Variants in AFF3 observed in about 807,000 individuals in gnomAD.
AFF3 encodes AF4/FMR2 family member 3.
AFF3 carries 32 observed loss-of-function variants against 129.7 expected under a neutral mutation model. The ratio of observed to expected loss-of-function variants is 0.25; its 90% CI spans 0.19 to 0.33. The LOEUF (loss-of-function observed/expected upper bound fraction) is 0.33. AFF3 is among the 10% of genes least tolerant of loss of function. The pLI is 1.00. For missense variants in AFF3, 1,373 were observed against 1,592.0 expected (o/e 0.86, Z 2.34); for synonymous variants, 644 against 635.4 (o/e 1.01, Z -0.20).
At chr2:100,106,928 G>A (rs954033828) in intron 2 of AFF3, 8 of 985,430 alleles carry the variant, frequency 8.1e-6, no homozygotes, top group Non-Finnish European at 9.6e-6. Context: ...ACTCATGAAA[G>A]GCCTCTCCCA....
chr2:99,710,042 G>C (rs573499390), intron 11 of AFF3, among the ~76,000 whole-genome samples: 14 of 152,116 alleles, frequency 9.2e-5, no homozygotes, highest in Non-Finnish European at 1.5e-4. Flanking sequence ...TGCCTACCTG[G>C]GTGAGCTCTC....
Position 99,966,461 on chromosome 2 carries a change from C to T in AFF3, c.873+40171G>A, listed in dbSNP as rs376084304. On this transcript the variant is annotated intron_variant, in intron 7 of 24. Coordinates refer to ENST00000672756, the MANE Select transcript of AFF3 (RefSeq NM_001386135.1). ...ATCCCAACACTTTGGGAGGCCGAGG[C>T]GGGCGGATCACGAGGTCAGGAGATC... Among the ~76,000 whole-genome samples, 22 of 151,772 alleles carry T rather than the reference C, an allele frequency of 1.4e-4. 1 individual carries two copies. Among genetic ancestry groups the T allele is most frequent in the Non-Finnish European group, 1.5e-4 (10 of 67,920 alleles).
chr2:99,674,151 C>T lies in AFF3; in HGVS notation c.1092-1562G>A, dbSNP rs146762887. On this transcript the variant is annotated intron_variant, in intron 11 of 24. Coordinates refer to ENST00000672756, the MANE Select transcript of AFF3 (RefSeq NM_001386135.1). ...CTCATCTCCCAGTGCCGAGAGGTGT[C>T]GTTCTTCTATTATTTAAACCACAAG... Among the ~76,000 whole-genome samples, 451 of 152,262 alleles carry T rather than the reference C, an allele frequency of 3.0e-3. 1 individual carries two copies. Among genetic ancestry groups the T allele is most frequent in the African/African-American group, 0.01 (430 of 41,558 alleles).
At chr2:99,559,067 A>G (rs1428481449) in intron 21 of AFF3, 99 bp from the exon 22 acceptor site, 2 of 1,003,954 alleles carry the variant, frequency 2.0e-6, no homozygotes, top group Non-Finnish European at 3.1e-6. Context: ...ACTCAATAAC[A>G]ATACCTTGTT....
rs911551963 is a variant in AFF3, at chr2:99,546,467, C to T, written c.*5007G>A. ...CTTTCTGCATTTTTCTCTCTAGACA[C>T]GAGTGAGTTATGTCAGATGGTATAA... On this transcript the variant is annotated 3_prime_UTR_variant, in exon 25 of 25. Transcript: ENST00000672756. 1.4e-4 allele frequency: 33 copies of T among 232,678 alleles called. No individual in the cohort carries two copies. Among genetic ancestry groups the T allele is most frequent in the Non-Finnish European group, 2.5e-4 (29 of 117,854 alleles). The allele number at this position is 232,678 out of a possible 1,614,324, so 14.4% of individuals were successfully genotyped here.
intron 8 of AFF3, among the ~76,000 whole-genome samples, chr2:99,767,613 T>C (rs1288100554): frequency 1.3e-5 from 2 of 152,196 alleles, no homozygotes; most frequent in African/African-American, 2.4e-5. Flanking sequence ...TAATATAACA[T>C]AGTAACCATT....
At chr2:100,129,523 C>G (rs1314411292) in intron 1 of AFF3, among the ~76,000 whole-genome samples, 1 of 151,992 alleles carries the variant, frequency 6.6e-6, no homozygotes, top group African/African-American at 2.4e-5. Flanking sequence ...GTGTTACATG[C>G]ATGCTTTTTT....
At chr2:99,882,316 C>T (rs1166464078) in intron 7 of AFF3, among the ~76,000 whole-genome samples, 1 of 152,208 alleles carries the variant, frequency 6.6e-6, no homozygotes, top group Non-Finnish European at 1.5e-5. Context: ...AATAAATTAT[C>T]GTTAACCAAT....
intron 22 of AFF3, among the ~76,000 whole-genome samples, chr2:99,557,697 G>C (rs975271104): frequency 6.6e-6 from 1 of 152,268 alleles, no homozygotes; most frequent in Non-Finnish European, 1.5e-5. Context: ...TGAAGACACA[G>C]GACGGTCAAT....
In AFF3 at chr2:99,601,451, T is replaced by TG. The variant is rs759949420; in HGVS notation, c.1354dup (p.His452ProfsTer8). 1.1e-5 allele frequency: 17 copies of TG among 1,606,216 alleles called. No individual in the cohort carries two copies. Among genetic ancestry groups the TG allele is most frequent in the Non-Finnish European group, 4.3e-6 (5 of 1,175,766 alleles). On this transcript the variant is annotated frameshift_variant, in exon 14 of 25. Transcript: ENST00000672756. LOFTEE classifies it high-confidence loss of function. Reference sequence around the variant, plus strand: ...AGCGCTTACCTCGGGGCTGGAGAAGTGGGGGGGCTTGCTGCCCTCACTCTC... The same window carrying TG: ...AGCGCTTACCTCGGGGCTGGAGAAGTGGGGGGGGCTTGCTGCCCTCACTCTC...
chr2:100,038,003 C>T (rs542310039), intron 4 of AFF3, among the ~76,000 whole-genome samples: 101 of 151,076 alleles, frequency 6.7e-4, no homozygotes, highest in African/African-American at 2.3e-3. Context: ...TCTGAAATGA[C>T]GATGGGTAAA....
chr2:99,547,857 A>T lies in AFF3; in HGVS notation c.*3617T>A, dbSNP rs755189129. On this transcript the variant is annotated 3_prime_UTR_variant, in exon 25 of 25. Transcript: ENST00000672756. ...TATAATACACACATCATTGTTGTAC[A>T]TATGAGGATAAGTTTTAGTGCAGAA... The T allele has an allele frequency of 2.3e-5, 5 of 213,014 alleles. No homozygotes were observed. The highest frequency in any genetic ancestry group is 4.8e-5 in the Non-Finnish European group (5 of 105,014). 13.2% of individuals were successfully genotyped at this position (213,014 alleles called of 1,614,324 possible).
intron 7 of AFF3, among the ~76,000 whole-genome samples, chr2:99,971,024 A>C (rs571840137): frequency 3.9e-5 from 6 of 152,148 alleles, no homozygotes; most frequent in Admixed American, 1.3e-4. Flanking sequence ...ATGGTTTTTA[A>C]ATCTTCATAA....
At chr2:99,815,810 T>TTC (rs747354542) in intron 8 of AFF3, among the ~76,000 whole-genome samples, 4,742 of 147,606 alleles carry the variant, frequency 0.032, 88 homozygotes, top group Non-Finnish European at 0.041. Context: ...TCCTGGTTCC[T>TTC]TCTCTCTCTC....
intron 7 of AFF3, among the ~76,000 whole-genome samples, chr2:99,976,840 T>C (rs1490873171): frequency 2.0e-5 from 3 of 151,986 alleles, no homozygotes; most frequent in African/African-American, 7.3e-5. Flanking sequence ...ATTTACTTGA[T>C]TTGAATTTTG....
chr2:99,565,526 G>A lies in AFF3; in HGVS notation c.3080C>T (p.Ser1027Phe). The A allele has an allele frequency of 6.2e-7, 1 of 1,614,200 alleles. No homozygotes were observed. Among genetic ancestry groups the A allele is most frequent in the Non-Finnish European group, 8.5e-7 (1 of 1,180,026 alleles). Reference sequence around the variant, plus strand: ...TGTTTCTGAATACATCGTATAAGGAGATTTGGATTCCATGGGGCCTTGTTC... The same window carrying A: ...TGTTTCTGAATACATCGTATAAGGAAATTTGGATTCCATGGGGCCTTGTTC... Reference protein sequence around the residue: ...AMEQGPMESKSPYTMYSETVE... With the variant: ...AMEQGPMESKFPYTMYSETVE... The change falls in exon 20 of 25, where the codon TCT becomes TTT. Residue 1027 changes from serine (S) to phenylalanine (F), a missense_variant. Transcript: ENST00000672756.
chr2:99,879,536 G>T (rs561892134), intron 7 of AFF3, among the ~76,000 whole-genome samples: 1 of 152,272 alleles, frequency 6.6e-6, no homozygotes, highest in East Asian at 1.9e-4. Context: ...CTATCACCTC[G>T]TGGGTAGGAG....
At chr2:99,630,663 GAAGGGGAAGC>G (rs1378284118) in intron 13 of AFF3, 1 of 156,090 alleles carries the variant, frequency 6.4e-6, no homozygotes, top group Non-Finnish European at 1.4e-5. Flanking sequence ...GGCGGAAGGT[GAAGGGGAAGC>G]AAGGCACGTC....
At chr2:99,953,987 G>C (rs1676398219) in intron 7 of AFF3, among the ~76,000 whole-genome samples, 1 of 152,328 alleles carries the variant, frequency 6.6e-6, no homozygotes, top group East Asian at 1.9e-4. Context: ...AGTAAGCACA[G>C]AGAGCCTGTA....
Sources: allele counts gnomAD v4.1 joint callset (sites outside exome capture counted in the v4.1 genomes callset), GRCh38; gene constraint gnomAD v4.1.1; transcripts MANE v1.5; gene names NCBI Gene and HGNC (gene_info 2026-07-23, HGNC 2026-07-21).